The following LOXHD1 variants were observed in gnomAD, a reference collection of about 807,000 sequenced individuals.
LOXHD1 encodes lipoxygenase homology PLAT domains 1, also known as lipoxygenase homology domain-containing protein 1.
In LOXHD1, 205 loss-of-function variants were observed where a neutral mutation model predicts 248.2. The observed-to-expected ratio is 0.83, with a 90% CI of 0.74 to 0.93. The LOEUF (loss-of-function observed/expected upper bound fraction) is 0.93. Ranked by LOEUF, LOXHD1 falls within the 40% of genes least tolerant of loss-of-function variation. The pLI, the probability that LOXHD1 is intolerant of heterozygous loss-of-function variation, is 0.00. For missense variants in LOXHD1, 2,930 were observed against 2,971.6 expected, an observed-to-expected ratio of 0.99 and a Z score of 0.33; for synonymous variants, 1,113 against 1,162.8, an observed-to-expected ratio of 0.96 and a Z score of 0.87.
intron 12 of LOXHD1, among the ~76,000 whole-genome samples, chr18:46,587,798 G>C (rs1165396013): frequency 6.6e-6 from 1 of 152,096 alleles, no homozygotes; most frequent in African/African-American, 2.4e-5. Context: ...TTATTTTACT[G>C]TCATGTAGCT....
intron 12 of LOXHD1, among the ~76,000 whole-genome samples, chr18:46,583,369 A>C (rs2037998665): frequency 6.6e-6 from 1 of 152,214 alleles, no homozygotes; most frequent in Non-Finnish European, 1.5e-5. Context: ...AAAGACAACT[A>C]TTAGCAGAAT....
chr18:46,572,018 G>C (rs1004229393), intron 15 of LOXHD1, 68 bp downstream of exon 15: 5 of 1,358,920 alleles, frequency 3.7e-6, no homozygotes, highest in Non-Finnish European at 5.1e-6. Flanking sequence ...TTCTTGAAGG[G>C]CTTAGCTGAG....
intron 4 of LOXHD1, among the ~76,000 whole-genome samples, chr18:46,626,591 G>A (rs2038745881): frequency 6.6e-6 from 1 of 152,128 alleles, no homozygotes; most frequent in Non-Finnish European, 1.5e-5. Flanking sequence ...AGGCTATAAT[G>A]TAGTATTAAG....
At position 46,569,458 on chromosome 18, in the gene LOXHD1, G is replaced by T; in HGVS notation, c.2228C>A (p.Thr743Asn). ...GAGACTTACATTTCCAATGTTCAGGGTCTCGAGGGTGAACTCATCCACCCG... is the reference window on the plus strand; with the variant it reads ...GAGACTTACATTTCCAATGTTCAGGTTCTCGAGGGTGAACTCATCCACCCG... ...RGRVDEFTLE[T>N]LNIGNINRLV... The change falls in exon 16 of 41, where the codon ACC (threonine) becomes AAC (asparagine). Residue 743 changes from threonine to asparagine, a missense_variant. Transcript: ENST00000642948. 1 of 1,552,128 alleles carries T rather than the reference G, an allele frequency of 6.4e-7. No homozygotes were observed. Among genetic ancestry groups the T allele is most frequent in the Admixed American group, 2.0e-5 (1 of 51,006 alleles).
At chr18:46,507,240 C>T (rs1187170656) in intron 36 of LOXHD1, among the ~76,000 whole-genome samples, 2 of 152,202 alleles carry the variant, frequency 1.3e-5, no homozygotes, top group East Asian at 1.9e-4. Context: ...TGCCAGGCAG[C>T]AGAAGGAAGA....
Position 46,566,328 on chromosome 18 carries a change from A to G in LOXHD1, c.2366T>C (p.Leu789Pro). ...KQYTFPANRWLDKNQADGRLE... is the reference protein window; with the variant it reads ...KQYTFPANRWPDKNQADGRLE... ...GCGCCCGTCAGCCTGGTTCTTGTCC[A>G]GCCAGCGGTTGGCGGGAAAGGTGTA... is the stretch of plus-strand genomic sequence containing the variant. The change falls in exon 17 of 41, where the codon CTG becomes CCG. Residue 789 changes from leucine (L) to proline (P), a missense_variant. Transcript: ENST00000642948. 1 of 1,551,844 alleles carries G rather than the reference A, an allele frequency of 6.4e-7. No individual in the cohort carries two copies. Among genetic ancestry groups the G allele is most frequent in the Non-Finnish European group, 8.7e-7 (1 of 1,147,020 alleles).
At chr18:46,505,084 A>G (rs2034474571) in intron 37 of LOXHD1, among the ~76,000 whole-genome samples, 1 of 152,220 alleles carries the variant, frequency 6.6e-6, no homozygotes, top group Admixed American at 6.5e-5. Context: ...AAAGTTAAAA[A>G]TATATTTCTC....
intron 37 of LOXHD1, among the ~76,000 whole-genome samples, chr18:46,494,501 G>A (rs1310890969): frequency 6.6e-6 from 1 of 152,192 alleles, no homozygotes; most frequent in Admixed American, 6.5e-5. Flanking sequence ...TTTGAAGTAA[G>A]ATATGGAACC....
chr18:46,481,321 T>G (rs910259169), intron 40 of LOXHD1, among the ~76,000 whole-genome samples: 1 of 151,980 alleles, frequency 6.6e-6, no homozygotes, highest in South Asian at 2.1e-4. Context: ...CAGAGACCAC[T>G]GAGAACTGCA....
Position 46,560,502 on chromosome 18 carries a change from C to G in LOXHD1, c.2642G>C (p.Gly881Ala). 11 of 1,537,398 alleles carry G rather than the reference C, an allele frequency of 7.2e-6. No homozygotes were observed. Among genetic ancestry groups the G allele is most frequent in the South Asian group, 2.4e-5 (2 of 84,006 alleles). The change falls in exon 19 of 41, where the codon GGG becomes GCG. Residue 881 changes from glycine to alanine, a missense_variant. Transcript: ENST00000642948. ...GGGCCCAAAGCCCTCGCCCGTGTGC[C>G]CGAGCCGGAGCTTATAGACCTCGCC... ...DVGEVYKLRL[G>A]HTGEGFGPSW...
At chr18:46,625,804 C>T (rs1269548161) in intron 4 of LOXHD1, among the ~76,000 whole-genome samples, 3 of 152,144 alleles carry the variant, frequency 2.0e-5, no homozygotes, top group Non-Finnish European at 4.4e-5. Context: ...CTATTTCTAC[C>T]TACCCTGCAG....
intron 37 of LOXHD1, among the ~76,000 whole-genome samples, chr18:46,490,476 C>T (rs1293486532): frequency 1.3e-5 from 2 of 152,172 alleles, no homozygotes; most frequent in East Asian, 1.9e-4. Context: ...AGTGAAGTTA[C>T]TTATTTATTT....
At chr18:46,574,388 T>TACATACACACACACACACACACACACAC (rs2037813021) in intron 14 of LOXHD1, among the ~76,000 whole-genome samples, 1 of 125,240 alleles carries the variant, frequency 8.0e-6, no homozygotes, top group African/African-American at 3.4e-5. Flanking sequence ...TGTGTACACA[T>TACATACACACACACACACACACACACAC]ACACACACAC....
rs1290844398 is a variant in LOXHD1, at chr18:46,541,789, C to G, written c.3900G>C (p.Arg1300Ser). 1.3e-6 allele frequency: 2 copies of G among 1,551,708 alleles called. No homozygotes were observed. The highest frequency in any genetic ancestry group is 2.4e-5 in the South Asian group (2 of 84,062). ...RDLFHAELQT[R>S]LYTPFVPYEI... The stretch of plus-strand genomic sequence containing the variant: ...TGTGGTTCCTACATGGTGTGTACAG[C>G]CTCGTCTGAAGCTCTGCATGGAAGA... Residue 1300 changes from arginine to serine, a missense_variant, in exon 25 of 41, where the codon AGG (arginine) becomes AGC (serine). Physicochemically the swap from Arg to Ser is moderately radical, Grantham distance 110. Coordinates refer to ENST00000642948, the MANE Select transcript of LOXHD1 (RefSeq NM_001384474.1).
chr18:46,557,432 G>A lies in LOXHD1; in HGVS notation c.3274C>T (p.Arg1092Cys), dbSNP rs376791468. The A allele has an allele frequency of 1.5e-5, 23 of 1,552,038 alleles. No individual in the cohort carries two copies. Among genetic ancestry groups the A allele is most frequent in the African/African-American group, 1.2e-4 (9 of 73,016 alleles). The change falls in exon 21 of 41, where the codon CGC (arginine) becomes TGC (cysteine). Residue 1092 changes from arginine to cysteine, a missense_variant. Transcript: ENST00000642948. ...DLGALTKIRI[R>C]HDNTGNRAGW... is the part of the protein sequence containing the mutation. ...GCTCTGTTGCCTGTGTTGTCGTGGC[G>A]AATCCGAATCTTGGTCAGGGCCCCC...
chr18:46,623,649 G>C (rs1300816947), intron 4 of LOXHD1, among the ~76,000 whole-genome samples: 1 of 152,244 alleles, frequency 6.6e-6, no homozygotes, highest in Non-Finnish European at 1.5e-5. Flanking sequence ...CTCTAAACAG[G>C]AAATCCGTCC....
At chr18:46,592,377 C>T in intron 11 of LOXHD1, 121 bp downstream of exon 11, 1 of 854,764 alleles carries the variant, frequency 1.2e-6, no homozygotes, top group Non-Finnish European at 1.8e-6. Flanking sequence ...CTCACCATAA[C>T]CCTTTTCAGT....
chr18:46,577,871 G>C lies in LOXHD1; in HGVS notation c.1810-4C>G. 1 of 1,551,604 alleles carries C rather than the reference G, an allele frequency of 6.4e-7. No individual in the cohort carries two copies. Among genetic ancestry groups the C allele is most frequent in the Non-Finnish European group, 8.7e-7 (1 of 1,146,988 alleles). ...ACTCGATAGTGAACTCGTCAGCCTTGTGGGGGGAAACCACAAGGCCAGTTA... is the reference window on the plus strand; with the variant it reads ...ACTCGATAGTGAACTCGTCAGCCTTCTGGGGGGAAACCACAAGGCCAGTTA... On this transcript the variant is annotated splice_region_variant and splice_polypyrimidine_tract_variant and intron_variant, in intron 13 of 40. Transcript: ENST00000642948.
chr18:46,490,106 GGT>G (rs2033356450), intron 37 of LOXHD1, among the ~76,000 whole-genome samples: 2 of 152,300 alleles, frequency 1.3e-5, no homozygotes, highest in South Asian at 4.1e-4. Flanking sequence ...ACCATGCACT[GGT>G]TGAGTTACTC....
Sources: allele counts gnomAD v4.1 joint callset (sites outside exome capture counted in the v4.1 genomes callset), GRCh38; gene constraint gnomAD v4.1.1; transcripts MANE v1.5; gene names NCBI Gene and HGNC (gene_info 2026-07-23, HGNC 2026-07-21).